PDE4D: variants seen among roughly 807,000 people sequenced by gnomAD.
PDE4D encodes the protein phosphodiesterase 4D, also known as 3',5'-cyclic-AMP phosphodiesterase 4D.
Under a neutral mutation model 87.4 loss-of-function variants are expected in PDE4D, and 24 were observed. That is an observed-to-expected ratio of 0.27 (90% CI 0.20 to 0.39). The LOEUF (loss-of-function observed/expected upper bound fraction) is 0.39. Ranked by LOEUF, PDE4D falls within the 10% of genes least tolerant of loss-of-function variation. The pLI, the probability that PDE4D is intolerant of heterozygous loss-of-function variation, is 1.00. For missense variants in PDE4D, 714 were observed against 1,041.0 expected (o/e 0.69, Z 4.32); for synonymous variants, 384 against 383.2 (o/e 1.00, Z -0.02).
At chr5:59,968,048 G>T (rs1393344089) in intron 3 of PDE4D, among the ~76,000 whole-genome samples, 1 of 123,772 alleles carries the variant, frequency 8.1e-6, no homozygotes, top group Non-Finnish European at 1.6e-5. Context: ...GCAATGACCC[G>T]ATCTCAGCTC....
At chr5:60,149,720 C>T (rs1781326597) in intron 2 of PDE4D, among the ~76,000 whole-genome samples, 1 of 151,394 alleles carries the variant, frequency 6.6e-6, no homozygotes, top group Admixed American at 6.6e-5. Context: ...GTTTATGATA[C>T]TCTAGGACTA....
chr5:58,990,036 C>T (rs954799632), intron 9 of PDE4D, 117 bp from the exon 10 acceptor site: 2 of 632,722 alleles, frequency 3.2e-6, no homozygotes, highest in East Asian at 2.7e-5. Flanking sequence ...CTGGAAATGG[C>T]AACTGCACTC....
intron 1 of PDE4D, among the ~76,000 whole-genome samples, chr5:59,232,811 C>CTTAT (rs1554104755): frequency 9.8e-5 from 14 of 143,508 alleles, no homozygotes; most frequent in African/African-American, 3.7e-4. Flanking sequence ...AGAGAAAATA[C>CTTAT]ATATATATAT....
intron 3 of PDE4D, among the ~76,000 whole-genome samples, chr5:59,928,231 T>A (rs1393759335): frequency 6.6e-6 from 1 of 152,184 alleles, no homozygotes; most frequent in Non-Finnish European, 1.5e-5. Flanking sequence ...TTTGAAACTC[T>A]CCTCCAAGGA....
At chr5:59,778,370 G>C (rs888518044) in intron 1 of PDE4D, among the ~76,000 whole-genome samples, 2 of 152,184 alleles carry the variant, frequency 1.3e-5, no homozygotes, top group African/African-American at 4.8e-5. Context: ...GGCTTCCCAA[G>C]AAGTTATTCT....
At chr5:59,745,337 A>G (rs1199373060) in intron 1 of PDE4D, among the ~76,000 whole-genome samples, 1 of 152,134 alleles carries the variant, frequency 6.6e-6, no homozygotes, top group African/African-American at 2.4e-5. Flanking sequence ...TTGACTGTGT[A>G]TTTCTTAGAG....
At chr5:59,582,863 C>T (rs2153700536) in intron 1 of PDE4D, among the ~76,000 whole-genome samples, 1 of 152,248 alleles carries the variant, frequency 6.6e-6, no homozygotes, top group Admixed American at 6.5e-5. Context: ...TTTAGATGTC[C>T]TACCTTTAAA....
intron 2 of PDE4D, among the ~76,000 whole-genome samples, chr5:59,997,151 A>G (rs1336172750): frequency 6.6e-6 from 1 of 152,186 alleles, no homozygotes; most frequent in Non-Finnish European, 1.5e-5. Context: ...AATAAAGTCA[A>G]TTCTATTTTG....
intron 1 of PDE4D, among the ~76,000 whole-genome samples, chr5:60,337,388 T>TATATATAGACACAC (rs66871903): frequency 1.1e-5 from 1 of 89,478 alleles, no homozygotes; most frequent in African/African-American, 4.3e-5. Flanking sequence ...TATATATATA[T>TATATATAGACACAC]ACACACACAC....
chr5:59,917,568 ACT>A (rs2152775812), intron 3 of PDE4D, among the ~76,000 whole-genome samples: 1 of 152,068 alleles, frequency 6.6e-6, no homozygotes, highest in East Asian at 1.9e-4. Context: ...TATCAATTAA[ACT>A]CTCTGACTTT....
chr5:59,202,318 G>T (rs1047827548), intron 2 of PDE4D, among the ~76,000 whole-genome samples: 37 of 152,044 alleles, frequency 2.4e-4, no homozygotes, highest in African/African-American at 8.9e-4. Context: ...GGGATTACAG[G>T]CATGATCCAC....
chr5:59,443,294 A>T (rs1797902789), intron 1 of PDE4D, among the ~76,000 whole-genome samples: 1 of 152,246 alleles, frequency 6.6e-6, no homozygotes. Context: ...AGTTTCTAGA[A>T]TATGAATTTG....
chr5:59,501,021 A>C (rs1206076620), intron 1 of PDE4D, among the ~76,000 whole-genome samples: 1 of 152,144 alleles, frequency 6.6e-6, no homozygotes, highest in Non-Finnish European at 1.5e-5. Context: ...TCAGATTCAC[A>C]TTATCACTTT....
chr5:60,401,155 A>G (rs1316290908), intron 1 of PDE4D, among the ~76,000 whole-genome samples: 1 of 152,182 alleles, frequency 6.6e-6, no homozygotes, highest in Non-Finnish European at 1.5e-5. Context: ...TTAGCAAACT[A>G]TCTTATGTGG....
chr5:59,966,738 A>G (rs1345693615), intron 3 of PDE4D, among the ~76,000 whole-genome samples: 1 of 152,226 alleles, frequency 6.6e-6, no homozygotes, highest in African/African-American at 2.4e-5. Context: ...AATCATTTTC[A>G]AACTGTTAAA....
At chr5:59,663,708 T>TGCA (rs1745623568) in intron 1 of PDE4D, among the ~76,000 whole-genome samples, 1 of 152,212 alleles carries the variant, frequency 6.6e-6, no homozygotes, top group Admixed American at 6.5e-5. Context: ...ATGGAATCTA[T>TGCA]GCAGCAGCGG....
intron 2 of PDE4D, among the ~76,000 whole-genome samples, chr5:60,001,106 T>C (rs1207989289): frequency 6.6e-6 from 1 of 152,114 alleles, no homozygotes; most frequent in Non-Finnish European, 1.5e-5. Context: ...TTCCAAGCTC[T>C]CTCATGTTGA....
chr5:60,450,186 C>T (rs941046411), intron 1 of PDE4D, among the ~76,000 whole-genome samples: 2 of 151,924 alleles, frequency 1.3e-5, no homozygotes, highest in Admixed American at 1.3e-4. Context: ...CAGATACTTA[C>T]CTTTTTAAAA....
intron 2 of PDE4D, among the ~76,000 whole-genome samples, chr5:60,048,601 A>C (rs571036963): frequency 1.6e-4 from 25 of 151,816 alleles, no homozygotes; most frequent in African/African-American, 5.6e-4. Flanking sequence ...TCTGTAAAGG[A>C]TTTTATTTCT....
Sources: allele counts gnomAD v4.1 joint callset (sites outside exome capture counted in the v4.1 genomes callset), GRCh38; gene constraint gnomAD v4.1.1; transcripts MANE v1.5; gene names NCBI Gene and HGNC (gene_info 2026-07-23, HGNC 2026-07-21).